The following KDM6A variants were observed in gnomAD, a reference collection of about 807,000 sequenced individuals.
KDM6A encodes the protein lysine demethylase 6A, also known as lysine-specific demethylase 6A.
Under a neutral mutation model 117.6 loss-of-function variants are expected in KDM6A, and 11 were observed. That is an observed-to-expected ratio of 0.09 (90% CI 0.06 to 0.15). KDM6A has a LOEUF of 0.15. Among genes scored for constraint, KDM6A ranks in the 10% least tolerant of loss-of-function variants. The pLI is 1.00. For missense variants in KDM6A, 799 were observed against 1,077.3 expected (o/e 0.74, Z 3.62); for synonymous variants, 384 against 396.1 (o/e 0.97, Z 0.36).
rs1301761965 is a variant in KDM6A, at chrX:45,070,579, G to T, written c.2858+222G>T. Among the ~76,000 whole-genome samples the T allele has an allele frequency of 5.4e-5, 6 of 111,443 alleles. No homozygotes were observed. In the East Asian group the frequency reaches 8.5e-4, roughly 16 times the overall value. On this transcript the variant is annotated intron_variant, in intron 18 of 29. Transcript: ENST00000611820. ...ATTTTGAGTGGGTGTGTCTGATTGT[G>T]CTGTTACTGCCCTCTACTGGTTACT...
At chrX:44,938,512 G>A (rs930839038) in intron 2 of KDM6A, among the ~76,000 whole-genome samples, 1 of 112,117 alleles carries the variant, frequency 8.9e-6, no homozygotes, top group African/African-American at 3.2e-5. Context: ...TGGTTCATGA[G>A]GTTTAACGAA....
intron 3 of KDM6A, among the ~76,000 whole-genome samples, chrX:44,962,148 G>A (rs2038702889): frequency 8.9e-6 from 1 of 112,197 alleles, no homozygotes; most frequent in Non-Finnish European, 1.9e-5. Context: ...AGTGTGTTTA[G>A]AGGGCAAAAC....
At chrX:45,012,422 C>T (rs1399947313) in intron 5 of KDM6A, among the ~76,000 whole-genome samples, 1 of 108,372 alleles carries the variant, frequency 9.2e-6, no homozygotes, top group Non-Finnish European at 1.9e-5. Flanking sequence ...AGGCTGGTGT[C>T]GAACTCCTGA....
At chrX:44,913,222 T>G (rs1284870753) in intron 2 of KDM6A, among the ~76,000 whole-genome samples, 1 of 111,807 alleles carries the variant, frequency 8.9e-6, no homozygotes, top group African/African-American at 3.2e-5. Context: ...CTTATGATTT[T>G]CTTAATAATA....
intron 6 of KDM6A, among the ~76,000 whole-genome samples, chrX:45,022,421 T>TA (rs2042200788): frequency 9.0e-6 from 1 of 111,673 alleles, no homozygotes; most frequent in African/African-American, 3.3e-5. Flanking sequence ...CTTTTACCTT[T>TA]AACGAGTCCA....
At chrX:45,063,131 C>T (rs1269215457) in intron 16 of KDM6A, among the ~76,000 whole-genome samples, 1 of 108,831 alleles carries the variant, frequency 9.2e-6, no homozygotes, top group Non-Finnish European at 1.9e-5. Context: ...AGTTCGGGGT[C>T]GTTTTCTATA....
intron 15 of KDM6A, among the ~76,000 whole-genome samples, chrX:45,061,862 C>T (rs113587299): frequency 0.047 from 5,115 of 108,812 alleles, 320 homozygotes; most frequent in African/African-American, 0.16. Flanking sequence ...AATGAGCCTG[C>T]ATTTACCAGA....
Position 45,059,070 on chromosome X carries a change from T to A in KDM6A, c.940T>A (p.Ser314Thr), listed in dbSNP as rs2147957231. Residue 314 changes from serine (S) to threonine (T), a missense_variant, in exon 11 of 30, where the codon TCA becomes ACA. By Grantham distance (58) the Ser-to-Thr change is moderately conservative. This residue lies in a region of KDM6A where 10 missense variants were observed against 47.7 expected (regional missense o/e 0.21). Coordinates refer to ENST00000611820, the MANE Select transcript of KDM6A (RefSeq NM_001291415.2). ...FISYRQSIDK[S>T]EASADTWCSI... ...ATCTTACAGGCAGTCTATTGATAAA[T>A]CAGAAGCAAGTGCAGATACATGGTG... 6 of 1,209,184 alleles carry A rather than the reference T, an allele frequency of 5.0e-6. No individual in the cohort carries two copies. Among genetic ancestry groups the A allele is most frequent in the Non-Finnish European group, 6.7e-6 (6 of 894,317 alleles).
At chrX:45,048,323 A>G (rs1441730749) in intron 8 of KDM6A, among the ~76,000 whole-genome samples, 1 of 111,092 alleles carries the variant, frequency 9.0e-6, no homozygotes, top group Non-Finnish European at 1.9e-5. Context: ...GTGGAGATTG[A>G]CTATATTTTT....
intron 2 of KDM6A, 96 bp from the exon 3 acceptor site, chrX:44,961,188 A>C: frequency 1.8e-6 from 1 of 565,043 alleles, no homozygotes; most frequent in East Asian, 3.7e-5. Context: ...TTGACTTCTT[A>C]GGTGATCGAA....
intron 4 of KDM6A, among the ~76,000 whole-genome samples, chrX:44,989,799 A>T (rs1379667196): frequency 8.9e-6 from 1 of 111,814 alleles, no homozygotes; most frequent in Non-Finnish European, 1.9e-5. Context: ...AGAGCAGTGC[A>T]TAGCAGTACA....
At chrX:45,012,258 T>C (rs1221569460) in intron 5 of KDM6A, among the ~76,000 whole-genome samples, 3 of 96,324 alleles carry the variant, frequency 3.1e-5, no homozygotes, top group Non-Finnish European at 6.2e-5. Context: ...TGGAGAGCAG[T>C]GGCACGATCT....
chrX:44,939,372 G>A (rs1470497213), intron 2 of KDM6A, among the ~76,000 whole-genome samples: 2 of 112,164 alleles, frequency 1.8e-5, no homozygotes, highest in African/African-American at 6.5e-5. Flanking sequence ...AGTAAATGCA[G>A]ATGTGGTAGA....
chrX:45,005,749 C>T (rs1406163611), intron 4 of KDM6A, among the ~76,000 whole-genome samples: 2 of 110,020 alleles, frequency 1.8e-5, no homozygotes, highest in African/African-American at 6.6e-5. Flanking sequence ...TATTTCCCAT[C>T]TTGATGGTTT....
chrX:44,987,902 C>G, intron 4 of KDM6A, among the ~76,000 whole-genome samples: 1 of 110,565 alleles, frequency 9.0e-6, no homozygotes, highest in Middle Eastern at 4.6e-3. Flanking sequence ...TTGCTCTTCT[C>G]GAGGAGTATC....
intron 2 of KDM6A, among the ~76,000 whole-genome samples, chrX:44,879,918 G>A (rs144944463): frequency 0.014 from 1,526 of 111,268 alleles, 16 homozygotes; most frequent in Middle Eastern, 0.05. Flanking sequence ...CACACCTGTA[G>A]TCCCAGCACT....
Position 45,093,997 on chromosome X carries a change from C to T in KDM6A, c.4034+3133C>T, listed in dbSNP as rs184873722. Among the ~76,000 whole-genome samples the T allele has an allele frequency of 7.0e-3, 784 of 111,407 alleles. 10 individuals carry two copies. The highest frequency in any genetic ancestry group is 0.01 in the Non-Finnish European group (557 of 53,094). On this transcript the variant is annotated intron_variant, in intron 27 of 29. Transcript: ENST00000611820. ...TTGCATTCCTGTGATATTAACAATT[C>T]TTCTCCCAGCTTGAGTACCTATTGA...
chrX:45,030,079 TTAAA>T (rs1463187989), intron 6 of KDM6A, among the ~76,000 whole-genome samples: 6 of 110,657 alleles, frequency 5.4e-5, no homozygotes, highest in Non-Finnish European at 1.1e-4. Flanking sequence ...CTTTACTATG[TTAAA>T]TAAAGTAGGG....
At chrX:45,078,854 C>T (rs2045259737) in intron 20 of KDM6A, among the ~76,000 whole-genome samples, 1 of 109,133 alleles carries the variant, frequency 9.2e-6, no homozygotes, top group South Asian at 4.0e-4. Flanking sequence ...ATACTATAGC[C>T]CCATAAGTAT....
Sources: allele counts gnomAD v4.1 joint callset (sites outside exome capture counted in the v4.1 genomes callset), GRCh38; gene constraint gnomAD v4.1.1; regional missense constraint gnomAD v4.1.1; transcripts MANE v1.5; gene names NCBI Gene and HGNC (gene_info 2026-07-23, HGNC 2026-07-21).